ASB7: variants seen among roughly 807,000 people sequenced by gnomAD.
The protein encoded by ASB7 is ankyrin repeat and SOCS box protein 7.
ASB7 carries 4 observed loss-of-function variants against 32.5 expected under a neutral mutation model. The ratio of observed to expected loss-of-function variants is 0.12; its 90% CI spans 0.06 to 0.28. The LOEUF is 0.28. ASB7 is among the 10% of genes least tolerant of loss of function. The pLI is 1.00. For synonymous variants in ASB7, 172 were observed against 155.6 expected (o/e 1.11, Z -0.78); for missense variants, 181 against 407.1 (o/e 0.44, Z 4.78).
intron 5 of ASB7, among the ~76,000 whole-genome samples, chr15:100,633,035 G>T (rs1222118044): frequency 6.6e-6 from 1 of 151,880 alleles, no homozygotes; most frequent in Non-Finnish European, 1.5e-5. Context: ...CGTCAGGAGC[G>T]CAGCAGGGCC....
chr15:100,627,914 C>G (rs556565016), intron 4 of ASB7, among the ~76,000 whole-genome samples: 1 of 152,126 alleles, frequency 6.6e-6, no homozygotes, highest in Non-Finnish European at 1.5e-5. Flanking sequence ...CACCTGGAAC[C>G]GGCTTGAGTG....
In ASB7 at chr15:100,612,536, A is replaced by G; in HGVS notation, c.211+109A>G. ...AATGCTTCTCTTCTGTTAATACTCAACATATTATTCTCTCTCCTTTGTGAA... is the reference window on the plus strand; with the variant it reads ...AATGCTTCTCTTCTGTTAATACTCAGCATATTATTCTCTCTCCTTTGTGAA... On this transcript the variant is annotated intron_variant, in intron 4 of 5. Coordinates refer to ENST00000332783, the MANE Select transcript of ASB7 (RefSeq NM_198243.3). 4 of 1,040,376 alleles carry G rather than the reference A, an allele frequency of 3.8e-6. No homozygotes were observed. The East Asian group carries it at 7.3e-5, about 19-fold the overall frequency. The allele number at this position is 1,040,376 out of a possible 1,614,324, so 64.4% of individuals were successfully genotyped here.
intron 5 of ASB7, among the ~76,000 whole-genome samples, chr15:100,646,940 T>G (rs2040000861): frequency 6.6e-6 from 1 of 152,228 alleles, no homozygotes. Context: ...ACAGATTGAA[T>G]TCAGAAGCAT....
chr15:100,641,718 A>G (rs1214545495), intron 5 of ASB7, among the ~76,000 whole-genome samples: 1 of 152,226 alleles, frequency 6.6e-6, no homozygotes, highest in Non-Finnish European at 1.5e-5. Flanking sequence ...AGGAAGGTGG[A>G]GACTCCAGCT....
rs76388363 is a variant in ASB7, at chr15:100,618,579, C to A, written c.211+6152C>A. 3.7e-4 allele frequency among the ~76,000 whole-genome samples: 56 copies of A among 152,082 alleles called. No individual in the cohort carries two copies. The East Asian group carries it at 5.8e-3, about 16-fold the overall frequency. Reference sequence around the variant, plus strand: ...AAGAAACAAGACTTGACTTTTCACTCTCTCTTTTTCTCTCCCTCACCTTCT... The same window carrying A: ...AAGAAACAAGACTTGACTTTTCACTATCTCTTTTTCTCTCCCTCACCTTCT... On this transcript the variant is annotated intron_variant, in intron 4 of 5. Transcript: ENST00000332783.
At chr15:100,640,890 T>C (rs926914112) in intron 5 of ASB7, among the ~76,000 whole-genome samples, 5 of 152,236 alleles carry the variant, frequency 3.3e-5, no homozygotes, top group African/African-American at 9.6e-5. Context: ...TTATTACTAA[T>C]GATGGGCTTC....
Position 100,640,426 on chromosome 15 carries a change from G to C in ASB7, c.818-7897G>C, listed in dbSNP as rs112458938. Among the ~76,000 whole-genome samples, 772 of 152,230 alleles carry C rather than the reference G, an allele frequency of 5.1e-3. 6 individuals are homozygous for C. The highest frequency in any genetic ancestry group is 0.016 in the African/African-American group (650 of 41,534). On this transcript the variant is annotated intron_variant, in intron 5 of 5. Transcript: ENST00000332783. The stretch of plus-strand genomic sequence containing the variant: ...TCTCAAAGTGCTGTGATTATAGGCG[G>C]GAGCCACCATGCCCAGCCTATGGTA...
chr15:100,627,644 G>T (rs971227543), intron 4 of ASB7, among the ~76,000 whole-genome samples: 6 of 152,206 alleles, frequency 3.9e-5, no homozygotes, highest in African/African-American at 1.4e-4. Flanking sequence ...AGATGCAAGT[G>T]CAGTGTTTTG....
intron 5 of ASB7, among the ~76,000 whole-genome samples, chr15:100,631,405 G>A (rs2039882670): frequency 1.3e-5 from 2 of 152,122 alleles, no homozygotes. Context: ...GAGGTATCTG[G>A]GGCTGACTGG....
At chr15:100,645,746 C>G (rs1036179236) in intron 5 of ASB7, 2 of 1,585,712 alleles carry the variant, frequency 1.3e-6, no homozygotes, top group Non-Finnish European at 1.7e-6. Flanking sequence ...AGATGCTAAA[C>G]ATTTACAAAG....
At chr15:100,645,412 T>C (rs981635095) in intron 5 of ASB7, 27 of 312,490 alleles carry the variant, frequency 8.6e-5, no homozygotes, top group African/African-American at 5.2e-4. Flanking sequence ...AATCAAATTA[T>C]CATTCGAGTT....
At chr15:100,606,632 G>A (rs2039647416) in intron 2 of ASB7, among the ~76,000 whole-genome samples, 1 of 152,172 alleles carries the variant, frequency 6.6e-6, no homozygotes, top group South Asian at 2.1e-4. Context: ...AGATGGTAAT[G>A]TACTTGAATT....
chr15:100,622,971 A>T (rs1010986277), intron 4 of ASB7, among the ~76,000 whole-genome samples: 1 of 152,178 alleles, frequency 6.6e-6, no homozygotes, highest in African/African-American at 2.4e-5. Context: ...ATACAGCAAA[A>T]GAAACAATTA....
At chr15:100,622,125 C>T (rs1363285055) in intron 4 of ASB7, among the ~76,000 whole-genome samples, 2 of 151,600 alleles carry the variant, frequency 1.3e-5, no homozygotes, top group Non-Finnish European at 1.5e-5. Flanking sequence ...ATACAAAAAT[C>T]AGTAGCATTT....
intron 5 of ASB7, chr15:100,646,535 G>T: frequency 2.4e-6 from 1 of 414,204 alleles, no homozygotes; most frequent in Admixed American, 2.4e-5. Context: ...CTGCCCTTTA[G>T]TAATTAATTG....
intron 5 of ASB7, among the ~76,000 whole-genome samples, chr15:100,642,010 G>A (rs2039964932): frequency 6.6e-6 from 1 of 152,198 alleles, no homozygotes; most frequent in African/African-American, 2.4e-5. Flanking sequence ...TTTAACCACT[G>A]TGATATGCCT....
Position 100,630,018 on chromosome 15 carries a change from T to C in ASB7, c.793T>C (p.Leu265=), listed in dbSNP as rs1360030322. The C allele has an allele frequency of 8.1e-6, 13 of 1,602,080 alleles. No individual in the cohort carries two copies. The highest frequency in any genetic ancestry group is 1.1e-5 in the Non-Finnish European group (13 of 1,172,640). The change falls in exon 5 of 6, where the codon TTG becomes CTG. Residue 265 remains leucine, a synonymous_variant. Transcript: ENST00000332783. ...TATTTCTGGAAGTAGTCGACCATGT[T>C]TGGATTTCTTACAAGAAGTCACAAG... ...ISISGSSRPC[L]DFLQEVTRQP...
intron 3 of ASB7, among the ~76,000 whole-genome samples, chr15:100,611,294 C>T (rs2039693033): frequency 6.6e-6 from 1 of 151,948 alleles, no homozygotes. Context: ...CTCAAGTGGT[C>T]CCTTTTTCCT....
chr15:100,621,895 C>T (rs889331535), intron 4 of ASB7, among the ~76,000 whole-genome samples: 5 of 150,444 alleles, frequency 3.3e-5, no homozygotes, highest in African/African-American at 1.2e-4. Flanking sequence ...GATACATAAC[C>T]AATATCAAGA....
Sources: allele counts gnomAD v4.1 joint callset (sites outside exome capture counted in the v4.1 genomes callset), GRCh38; gene constraint gnomAD v4.1.1; transcripts MANE v1.5; gene names NCBI Gene and HGNC (gene_info 2026-07-23, HGNC 2026-07-21).